ATE1: variants seen among roughly 807,000 people sequenced by gnomAD.
ATE1 encodes arginyl-tRNA--protein transferase 1.
A neutral mutation model predicts 70.5 loss-of-function variants in ATE1; 36 were observed. The ratio of observed to expected loss-of-function variants is 0.51; its 90% CI spans 0.39 to 0.67. The LOEUF (loss-of-function observed/expected upper bound fraction) is 0.67, where lower values mean the gene tolerates loss of function less well. Among genes scored for constraint, ATE1 ranks in the 30% least tolerant of loss-of-function variants. ATE1 has a pLI of 0.00. For synonymous variants in ATE1, 232 were observed against 219.3 expected (o/e 1.06, Z -0.51); for missense variants, 593 against 629.5 (o/e 0.94, Z 0.62).
At chr10:121,875,374 G>A (rs572813544) in intron 7 of ATE1, among the ~76,000 whole-genome samples, 11 of 139,544 alleles carry the variant, frequency 7.9e-5, no homozygotes, top group East Asian at 4.5e-4. Flanking sequence ...GCACAACCTC[G>A]GCTCACTGCA....
chr10:121,879,476 C>T (rs1950163201), intron 7 of ATE1, among the ~76,000 whole-genome samples: 1 of 152,194 alleles, frequency 6.6e-6, no homozygotes, highest in South Asian at 2.1e-4. Flanking sequence ...AGGGCAAGAA[C>T]TTTATCTTGT....
At chr10:121,836,529 T>C in intron 10 of ATE1, among the ~76,000 whole-genome samples, 189 bp downstream of exon 10, 1 of 152,146 alleles carries the variant, frequency 6.6e-6, no homozygotes, top group East Asian at 1.9e-4. Context: ...AATAATGCAA[T>C]GGATTACAAG....
chr10:121,785,732 G>T (rs1946178401), intron 11 of ATE1, among the ~76,000 whole-genome samples: 1 of 152,110 alleles, frequency 6.6e-6, no homozygotes, highest in South Asian at 2.1e-4. Flanking sequence ...GAAGAATTAA[G>T]GTGTGTTAGA....
chr10:121,859,145 T>A (rs749853088), intron 8 of ATE1, among the ~76,000 whole-genome samples: 1 of 152,174 alleles, frequency 6.6e-6, no homozygotes, highest in Non-Finnish European at 1.5e-5. Context: ...ATTGTGAAAT[T>A]TGTGATTTAT....
rs193183105 is a variant in ATE1, at chr10:121,820,101, C to T, written c.1257+16617G>A. Among the ~76,000 whole-genome samples the T allele has an allele frequency of 1.0e-3, 158 of 151,842 alleles. 2 individuals carry two copies. The East Asian group carries it at 0.028, about 27-fold the overall frequency. On this transcript the variant is annotated intron_variant, in intron 10 of 11. Transcript: ENST00000224652. ...AGGCTGCAATGAGCCAAGATCATCC[C>T]ACTGTACTCCAGCCTGGGTGACAGA...
chr10:121,749,684 A>C (rs1944504451), intron 11 of ATE1, among the ~76,000 whole-genome samples: 1 of 152,228 alleles, frequency 6.6e-6, no homozygotes, highest in Admixed American at 6.5e-5. Context: ...AAATTCAAGT[A>C]ACATAGAAAT....
intron 7 of ATE1, among the ~76,000 whole-genome samples, chr10:121,872,625 G>T (rs949745372): frequency 1.3e-5 from 2 of 151,932 alleles, no homozygotes; most frequent in African/African-American, 4.8e-5. Flanking sequence ...ATAAAAAAAT[G>T]AGACTGCAAA....
At chr10:121,873,876 GATAA>G (rs1949945329) in intron 7 of ATE1, among the ~76,000 whole-genome samples, 1 of 151,998 alleles carries the variant, frequency 6.6e-6, no homozygotes, top group Non-Finnish European at 1.5e-5. Context: ...TTTTTACAAA[GATAA>G]ATAACATTTT....
chr10:121,768,835 A>G (rs1011654320), intron 11 of ATE1, among the ~76,000 whole-genome samples: 4 of 152,158 alleles, frequency 2.6e-5, no homozygotes, highest in Non-Finnish European at 5.9e-5. Context: ...TAATTTAGAG[A>G]TTTATTTTAT....
At position 121,899,893 on chromosome 10, in the gene ATE1, G is replaced by C; in HGVS notation, c.915C>G (p.Asn305Lys). The C allele has an allele frequency of 1.2e-6, 2 of 1,612,958 alleles. No individual in the cohort carries two copies. Among genetic ancestry groups the C allele is most frequent in the Non-Finnish European group, 1.7e-6 (2 of 1,179,274 alleles). The stretch of plus-strand genomic sequence containing the variant: ...GGCTTTCGGTTGGCGTATCAGGTGG[G>C]TTCTTGTGAATAACCATCTGGTAAC... ...YKRYQMVIHK[N>K]PPDTPTESQF... Residue 305 changes from asparagine (N) to lysine (K), a missense_variant, in exon 7 of 12, where the codon AAC becomes AAG. By Grantham distance (94) the Asn-to-Lys change is moderately conservative (BLOSUM62 0). This residue lies in a region of ATE1 where 467 missense variants were observed against 469.6 expected (regional missense o/e 0.99). Transcript: ENST00000224652.
chr10:121,907,105 G>A (rs1590693837), intron 5 of ATE1, among the ~76,000 whole-genome samples: 1 of 152,090 alleles, frequency 6.6e-6, no homozygotes, highest in Non-Finnish European at 1.5e-5. Context: ...CAGTGTTCTT[G>A]AGAACTAGGT....
At chr10:121,791,054 ACGTGTGTGTGTGTG>A in intron 10 of ATE1, among the ~76,000 whole-genome samples, 1 of 3,618 alleles carries the variant, frequency 2.8e-4, no homozygotes. Flanking sequence ...ATATATGTAT[ACGTGTGTGTGTGTG>A]TGTGTGTGTG....
intron 10 of ATE1, among the ~76,000 whole-genome samples, chr10:121,813,804 C>T (rs968152917): frequency 2.0e-5 from 3 of 152,192 alleles, no homozygotes; most frequent in Admixed American, 2.0e-4. Flanking sequence ...CTTTTGCTCC[C>T]CTTCCCAGCT....
At chr10:121,859,331 A>C (rs1374066583) in intron 8 of ATE1, among the ~76,000 whole-genome samples, 1 of 147,430 alleles carries the variant, frequency 6.8e-6, no homozygotes, top group Non-Finnish European at 1.5e-5. Context: ...ATCTCGGCTC[A>C]CTGCAAGCTC....
At chr10:121,894,031 G>C (rs184440397) in intron 7 of ATE1, among the ~76,000 whole-genome samples, 20 of 151,978 alleles carry the variant, frequency 1.3e-4, no homozygotes, top group Admixed American at 3.3e-4. Context: ...CAGCTACTAG[G>C]TAGGCTGAGG....
chr10:121,916,201 T>C (rs963827962), intron 3 of ATE1, among the ~76,000 whole-genome samples: 5 of 152,024 alleles, frequency 3.3e-5, no homozygotes, highest in Admixed American at 6.6e-5. Context: ...CACTCCAGCC[T>C]GGGAAACAGA....
chr10:121,898,343 G>A (rs903200127), intron 7 of ATE1, among the ~76,000 whole-genome samples: 2 of 152,198 alleles, frequency 1.3e-5, no homozygotes, highest in Non-Finnish European at 2.9e-5. Context: ...AATAGGCTTT[G>A]TGTTAGATGA....
intron 6 of ATE1, among the ~76,000 whole-genome samples, chr10:121,902,153 G>T (rs1376462644): frequency 6.6e-6 from 1 of 152,020 alleles, no homozygotes; most frequent in African/African-American, 2.4e-5. Context: ...GTTTTCACAA[G>T]TTTGGTGGCC....
chr10:121,923,206 C>T (rs1320483780), intron 2 of ATE1, among the ~76,000 whole-genome samples: 1 of 152,190 alleles, frequency 6.6e-6, no homozygotes, highest in East Asian at 1.9e-4. Flanking sequence ...CATGGTGGTT[C>T]ATACCTATAA....
Sources: allele counts gnomAD v4.1 joint callset (sites outside exome capture counted in the v4.1 genomes callset), GRCh38; gene constraint gnomAD v4.1.1; regional missense constraint gnomAD v4.1.1; transcripts MANE v1.5; gene names NCBI Gene and HGNC (gene_info 2026-07-23, HGNC 2026-07-21).